The following CDH4 variants were observed in gnomAD, a reference collection of about 807,000 sequenced individuals.
CDH4 encodes the protein cadherin 4.
In CDH4, 33 loss-of-function variants were observed where a neutral mutation model predicts 86.0. The observed-to-expected ratio is 0.38, with a 90% CI of 0.29 to 0.51. The LOEUF (loss-of-function observed/expected upper bound fraction) is 0.51, where lower values mean the gene tolerates loss of function less well. Ranked by LOEUF, CDH4 falls within the 20% of genes least tolerant of loss-of-function variation. The pLI, the probability that CDH4 is intolerant of heterozygous loss-of-function variation, is 0.86. For synonymous variants in CDH4, 555 were observed against 549.4 expected (o/e 1.01, Z -0.14); for missense variants, 1,114 against 1,307.4 (o/e 0.85, Z 2.28).
At chr20:61,543,040 G>A (rs1029041521) in intron 2 of CDH4, among the ~76,000 whole-genome samples, 5 of 152,250 alleles carry the variant, frequency 3.3e-5, no homozygotes, top group South Asian at 4.1e-4. Context: ...GGAAGCATCC[G>A]CTCGGGAGAA....
At chr20:61,689,810 G>C (rs191242171) in intron 2 of CDH4, among the ~76,000 whole-genome samples, 5 of 142,628 alleles carry the variant, frequency 3.5e-5, no homozygotes, top group Admixed American at 1.4e-4. Context: ...GGCTGGGACA[G>C]TGGTTGGTGA....
intron 3 of CDH4, 26 bp from the exon 4 acceptor site, chr20:61,772,977 C>G (rs1387344496): frequency 1.4e-5 from 22 of 1,593,208 alleles, no homozygotes; most frequent in Non-Finnish European, 1.9e-5. Context: ...ACTTCTCTGC[C>G]TCTTCTCTCC....
chr20:61,729,505 C>T (rs2088153357), intron 2 of CDH4, among the ~76,000 whole-genome samples: 1 of 152,200 alleles, frequency 6.6e-6, no homozygotes, highest in Non-Finnish European at 1.5e-5. Flanking sequence ...TATATAGGCT[C>T]AGAGCCCTTT....
intron 3 of CDH4, among the ~76,000 whole-genome samples, chr20:61,759,107 TAC>T (rs2088601907): frequency 1.3e-5 from 2 of 152,318 alleles, no homozygotes; most frequent in Non-Finnish European, 2.9e-5. Context: ...CACGTCTATA[TAC>T]ACACTTTGGG....
At chr20:61,798,864 C>T (rs911177535) in intron 4 of CDH4, among the ~76,000 whole-genome samples, 16 of 152,182 alleles carry the variant, frequency 1.1e-4, no homozygotes, top group South Asian at 2.1e-4. Flanking sequence ...TAGCTCACGT[C>T]GATGCGTCCT....
intron 2 of CDH4, among the ~76,000 whole-genome samples, chr20:61,273,394 T>C (rs2084197893): frequency 8.6e-5 from 9 of 104,676 alleles, no homozygotes; most frequent in Non-Finnish European, 7.4e-5. Context: ...CCGTGTGCAG[T>C]TTGGGGGAGT....
At chr20:61,924,545 A>C in intron 11 of CDH4, 69 bp downstream of exon 11, 1 of 1,547,176 alleles carries the variant, frequency 6.5e-7, no homozygotes, top group Admixed American at 1.8e-5. Flanking sequence ...TGGGCGAGGG[A>C]GGGTGCTGGC....
At chr20:61,831,618 C>T (rs1192684163) in intron 4 of CDH4, among the ~76,000 whole-genome samples, 4 of 152,202 alleles carry the variant, frequency 2.6e-5, no homozygotes, top group Non-Finnish European at 4.4e-5. Flanking sequence ...ACTTTGATGC[C>T]GAACAAAGCA....
At chr20:61,919,282 G>A (rs1286968824) in intron 9 of CDH4, among the ~76,000 whole-genome samples, 4 of 152,238 alleles carry the variant, frequency 2.6e-5, no homozygotes, top group Non-Finnish European at 4.4e-5. Context: ...TTCCTGCTTG[G>A]AAAGATCAGG....
intron 2 of CDH4, among the ~76,000 whole-genome samples, chr20:61,606,981 T>G (rs904902808): frequency 6.6e-6 from 1 of 152,156 alleles, no homozygotes; most frequent in Non-Finnish European, 1.5e-5. Context: ...CTGAGTAGCT[T>G]GGGACAGGGC....
intron 2 of CDH4, among the ~76,000 whole-genome samples, chr20:61,444,725 A>C (rs1315719998): frequency 1.3e-4 from 11 of 82,450 alleles, no homozygotes; most frequent in African/African-American, 5.0e-4. Context: ...TTGTGTGTAT[A>C]TGTATGTGTG....
intron 11 of CDH4, among the ~76,000 whole-genome samples, chr20:61,927,856 CTGT>C (rs1465543082): frequency 6.6e-6 from 1 of 152,064 alleles, no homozygotes; most frequent in African/African-American, 2.4e-5. Flanking sequence ...TCTGCCGTGT[CTGT>C]TGAGGTGCCG....
chr20:61,672,075 T>TGGTG (rs145983859), intron 2 of CDH4, among the ~76,000 whole-genome samples: 795 of 15,788 alleles, frequency 0.05, 9 homozygotes, highest in Middle Eastern at 0.15. Flanking sequence ...ATGAGTGGAT[T>TGGTG]GGTGGGTGGG....
chr20:61,309,301 G>A (rs1476380289), intron 2 of CDH4, among the ~76,000 whole-genome samples: 1 of 152,132 alleles, frequency 6.6e-6, no homozygotes, highest in Non-Finnish European at 1.5e-5. Flanking sequence ...ATGGATGGGG[G>A]CGCCTCACTG....
intron 14 of CDH4, among the ~76,000 whole-genome samples, chr20:61,933,402 G>A (rs2055138262): frequency 1.3e-5 from 2 of 152,166 alleles, no homozygotes. Context: ...GAGGGGAGGG[G>A]GCTCCGGGTT....
At chr20:61,463,697 C>G (rs2145561427) in intron 2 of CDH4, among the ~76,000 whole-genome samples, 1 of 152,288 alleles carries the variant, frequency 6.6e-6, no homozygotes. Context: ...AAAAACTGCA[C>G]CAGGGCAGTC....
chr20:61,692,103 CTG>C (rs1172459428), intron 2 of CDH4, among the ~76,000 whole-genome samples: 2 of 149,112 alleles, frequency 1.3e-5, no homozygotes, highest in African/African-American at 5.1e-5. Flanking sequence ...ATGTGTGTGT[CTG>C]TGTGTATGCA....
chr20:61,616,081 C>A (rs1302972505), intron 2 of CDH4, among the ~76,000 whole-genome samples: 3 of 152,322 alleles, frequency 2.0e-5, no homozygotes, highest in South Asian at 2.1e-4. Context: ...GTGAGCCCTC[C>A]GCACAGAGAG....
intron 2 of CDH4, among the ~76,000 whole-genome samples, chr20:61,685,031 G>A (rs2087559070): frequency 3.3e-5 from 5 of 152,094 alleles, no homozygotes; most frequent in Admixed American, 3.3e-4. Context: ...ATCTAATTGT[G>A]CAACTTACTC....
Sources: allele counts gnomAD v4.1 joint callset (sites outside exome capture counted in the v4.1 genomes callset), GRCh38; gene constraint gnomAD v4.1.1; transcripts MANE v1.5; gene names NCBI Gene and HGNC (gene_info 2026-07-23, HGNC 2026-07-21).